Variants in CNDP2 observed in about 807,000 individuals in gnomAD.
CNDP2 encodes carnosine dipeptidase 2, also known as cytosolic non-specific dipeptidase.
In CNDP2, 38 loss-of-function variants were observed where a neutral mutation model predicts 55.0. The observed-to-expected ratio is 0.69, with a 90% CI of 0.53 to 0.90. The LOEUF is 0.90. Ranked by LOEUF, CNDP2 falls within the 40% of genes least tolerant of loss-of-function variation. The pLI, the probability that CNDP2 is intolerant of heterozygous loss-of-function variation, is 0.00. For missense variants in CNDP2, 607 were observed against 621.7 expected, an observed-to-expected ratio of 0.98 and a Z score of 0.25; for synonymous variants, 241 against 260.2, an observed-to-expected ratio of 0.93 and a Z score of 0.71.
chr18:74,503,961 C>T (rs886384843), intron 3 of CNDP2, among the ~76,000 whole-genome samples: 1 of 151,186 alleles, frequency 6.6e-6, no homozygotes, highest in African/African-American at 2.4e-5. Flanking sequence ...ATACACTGCA[C>T]ACGCAGCCAC....
At position 74,520,334 on chromosome 18, in the gene CNDP2, A is replaced by G; in HGVS notation, c.*266A>G. ...TGGCTTGACCTGCAGAAGATACCCA[A>G]GGTCCAAAAGCACAAGGTCTGCGGA... On this transcript the variant is annotated 3_prime_UTR_variant, in exon 12 of 12. Transcript: ENST00000324262. 1 of 434,024 alleles carries G rather than the reference A, an allele frequency of 2.3e-6. No homozygotes were observed. The highest frequency in any genetic ancestry group is 4.2e-6 in the Non-Finnish European group (1 of 235,644). 26.9% of individuals were successfully genotyped at this position (434,024 alleles called of 1,614,324 possible).
chr18:74,520,010 T>G lies in CNDP2; in HGVS notation c.1370T>G (p.Ile457Arg), dbSNP rs776580554. 1 of 1,613,798 alleles carries G rather than the reference T, an allele frequency of 6.2e-7. No individual in the cohort carries two copies. The highest frequency in any genetic ancestry group is 8.5e-7 in the Non-Finnish European group (1 of 1,179,920). ...QNEKLNRYNY[I>R]EGTKMLAAYL... The stretch of plus-strand genomic sequence containing the variant: ...TTCCTCTCTACCAGGTATAACTACA[T>G]AGAGGGAACCAAGATGCTGGCCGCG... The change falls in exon 12 of 12, where the codon ATA (isoleucine) becomes AGA (arginine). Residue 457 changes from isoleucine to arginine, a missense_variant. By Grantham distance (97) the Ile-to-Arg change is moderately conservative. Transcript: ENST00000324262.
chr18:74,512,350 G>A, intron 6 of CNDP2, 98 bp from the exon 7 acceptor site: 1 of 1,114,458 alleles, frequency 9.0e-7, no homozygotes, highest in East Asian at 2.5e-5. Context: ...TTGGGAAATT[G>A]TCAGGCCTTG....
At chr18:74,517,227 A>G (rs989156356) in intron 9 of CNDP2, 7 of 152,324 alleles carry the variant, frequency 4.6e-5, no homozygotes, top group East Asian at 1.9e-4. Context: ...AGAGAAAAAA[A>G]AACTACTAAA....
intron 8 of CNDP2, among the ~76,000 whole-genome samples, chr18:74,515,642 C>CG (rs963629906): frequency 2.0e-5 from 3 of 152,080 alleles, no homozygotes; most frequent in African/African-American, 7.2e-5. Flanking sequence ...ATGCAGGGGG[C>CG]GGGGGCAGGC....
intron 1 of CNDP2, chr18:74,497,880 T>TA (rs1209334851): frequency 1.3e-5 from 2 of 152,060 alleles, no homozygotes; most frequent in African/African-American, 4.8e-5. Context: ...TAAATCAGCA[T>TA]ACTGCTTTTA....
chr18:74,496,933 G>A (rs756346687), intron 1 of CNDP2, among the ~76,000 whole-genome samples: 1 of 152,212 alleles, frequency 6.6e-6, no homozygotes, highest in Non-Finnish European at 1.5e-5. Context: ...AAGGGCCCTG[G>A]ACAGCGTCCC....
chr18:74,517,877 A>G (rs1195312811), intron 9 of CNDP2: 2 of 152,232 alleles, frequency 1.3e-5, no homozygotes, highest in Non-Finnish European at 2.9e-5. Flanking sequence ...AACTTAATTT[A>G]AATAGTATCA....
chr18:74,498,970 TGTC>T (rs1568276008), intron 1 of CNDP2, among the ~76,000 whole-genome samples: 1 of 152,188 alleles, frequency 6.6e-6, no homozygotes, highest in Non-Finnish European at 1.5e-5. Context: ...CCACGCTTGG[TGTC>T]GTGGTGGATA....
intron 1 of CNDP2, among the ~76,000 whole-genome samples, chr18:74,498,726 C>T (rs1387495373): frequency 2.6e-5 from 4 of 152,230 alleles, no homozygotes; most frequent in Non-Finnish European, 5.9e-5. Flanking sequence ...CCAGCGTGCT[C>T]ATGGGCTCCA....
chr18:74,508,900 C>T lies in CNDP2; in HGVS notation c.428C>T (p.Ala143Val), dbSNP rs762903655. The T allele has an allele frequency of 1.9e-5, 31 of 1,614,030 alleles. No homozygotes were observed. Among genetic ancestry groups the T allele is most frequent in the East Asian group, 6.7e-5 (3 of 44,880 alleles). The change falls in exon 5 of 12, where the codon GCC becomes GTC. Residue 143 changes from alanine (A) to valine (V), a missense_variant. Coordinates refer to ENST00000324262, the MANE Select transcript of CNDP2 (RefSeq NM_018235.3). ...GGCCCGGTGGCCGGCTGGATAAACG[C>T]CCTGGAAGCGTATCAGAAAACAGGC... is the stretch of plus-strand genomic sequence containing the variant. The part of the protein sequence containing the change: ...DKGPVAGWIN[A>V]LEAYQKTGQE...
Position 74,519,110 on chromosome 18 carries a change from G to A in CNDP2, c.1358+14G>A, listed in dbSNP as rs772042166. 1.9e-5 allele frequency: 30 copies of A among 1,595,192 alleles called. No individual in the cohort carries two copies. Among genetic ancestry groups the A allele is most frequent in the African/African-American group, 2.7e-5 (2 of 74,464 alleles). On this transcript the variant is annotated intron_variant, in intron 11 of 11. Transcript: ENST00000324262. The stretch of plus-strand genomic sequence containing the variant: ...AAAGCTCAACAGGTGAGAGTCCAGG[G>A]TGCGGCCCAGGTTGGCGTCTCCTGC...
At chr18:74,505,716 C>A in intron 3 of CNDP2, 133 bp from the exon 4 acceptor site, 2 of 902,634 alleles carry the variant, frequency 2.2e-6, no homozygotes, top group Non-Finnish European at 1.7e-6. Context: ...GAACAGTGTG[C>A]TCTTAAACTC....
Position 74,499,983 on chromosome 18 carries a change from C to T in CNDP2, c.10C>T (p.Leu4Phe), listed in dbSNP as rs930292809. 15 of 1,613,956 alleles carry T rather than the reference C, an allele frequency of 9.3e-6. No individual in the cohort carries two copies. The highest frequency in any genetic ancestry group is 1.2e-5 in the Non-Finnish European group (14 of 1,180,012). The change falls in exon 2 of 12, where the codon CTC becomes TTC. Residue 4 changes from leucine (L) to phenylalanine (F), a missense_variant. Physicochemically the swap from Leu to Phe is conservative, Grantham distance 22. Coordinates refer to ENST00000324262, the MANE Select transcript of CNDP2 (RefSeq NM_018235.3). ...GGGGTCTGGTTGAAAGATGGCGGCC[C>T]TCACTACCCTGTTTAAGTACATAGA... MAA[L>F]TTLFKYIDEN...
In CNDP2 at chr18:74,520,047, G is replaced by A. The variant is rs1568284304; in HGVS notation, c.1407G>A (p.Glu469=). 6.2e-7 allele frequency: 1 copy of A among 1,614,136 alleles called. No individual in the cohort carries two copies. Among genetic ancestry groups the A allele is most frequent in the Non-Finnish European group, 8.5e-7 (1 of 1,180,012 alleles). ...AGATGCTGGCCGCGTACCTGTATGA[G>A]GTCTCCCAGCTGAAGGACTAGGCCA... The part of the protein sequence containing the change: ...GTKMLAAYLY[E]VSQLKD Residue 469 remains glutamate (E), a synonymous_variant, in exon 12 of 12, where the codon GAG becomes GAA. Coordinates refer to ENST00000324262, the MANE Select transcript of CNDP2 (RefSeq NM_018235.3).
Position 74,506,017 on chromosome 18 carries a change from C to T in CNDP2, c.367+6C>T, listed in dbSNP as rs377332329. 38 of 1,563,848 alleles carry T rather than the reference C, an allele frequency of 2.4e-5. No individual in the cohort carries two copies. Among genetic ancestry groups the T allele is most frequent in the Middle Eastern group, 3.5e-4 (2 of 5,684 alleles). ...CACCCTGGTGGAGCGAGACGGTGAG[C>T]GCCGCGCGCCTATGCGTGCCCAGAG... On this transcript the variant is annotated splice_donor_region_variant and intron_variant, in intron 4 of 11. Coordinates refer to ENST00000324262, the MANE Select transcript of CNDP2 (RefSeq NM_018235.3).
rs1979475901 is a variant in CNDP2, at chr18:74,513,561, T to C, written c.745T>C (p.Ser249Pro). 1 of 1,611,970 alleles carries C rather than the reference T, an allele frequency of 6.2e-7. No homozygotes were observed. The highest frequency in any genetic ancestry group is 8.5e-7 in the Non-Finnish European group (1 of 1,179,434). Residue 249 changes from serine to proline, a missense_variant and splice_region_variant, in exon 8 of 12, where the codon TCT becomes CCT. Coordinates refer to ENST00000324262, the MANE Select transcript of CNDP2 (RefSeq NM_018235.3). ...AMTDLILLMG[S>P]LVDKRGNILI... ...TAACCCTCTCCGGCTTCCCTCAGGC[T>C]CTTTGGTGGACAAGAGGGGGAACAT...
At chr18:74,503,901 G>A (rs111807117) in intron 3 of CNDP2, among the ~76,000 whole-genome samples, 2 of 77,370 alleles carry the variant, frequency 2.6e-5, no homozygotes, top group East Asian at 4.7e-4. Context: ...CAGGCCACAC[G>A]CCACACACGC....
In CNDP2 at chr18:74,508,890, TG is replaced by T. The variant is rs1472499457; in HGVS notation, c.420del (p.Trp140Ter). 13 of 1,614,146 alleles carry T rather than the reference TG, an allele frequency of 8.1e-6. No individual in the cohort carries two copies. Among genetic ancestry groups the T allele is most frequent in the Admixed American group, 5.0e-5 (3 of 60,024 alleles). ...STDDKGPVAG[W>X]INALEAYQKT... ...TGATGATAAGGGCCCGGTGGCCGGC[TG>T]GATAAACGCCCTGGAAGCGTATCAG... On this transcript the variant is annotated frameshift_variant, in exon 5 of 12. Coordinates refer to ENST00000324262, the MANE Select transcript of CNDP2 (RefSeq NM_018235.3). LOFTEE classifies it high-confidence loss of function.
Sources: gnomAD v4.1 joint callset for allele counts (sites outside exome capture counted in the v4.1 genomes callset) on GRCh38, gnomAD v4.1.1 for gene constraint, MANE v1.5 for transcripts, NCBI Gene and HGNC (gene_info 2026-07-23, HGNC 2026-07-21) for gene names.